Variants in ZFHX3 observed in about 807,000 individuals in gnomAD.
The protein encoded by ZFHX3 is zinc finger homeobox protein 3.
Under a neutral mutation model 279.1 loss-of-function variants are expected in ZFHX3, and 42 were observed. The observed-to-expected ratio is 0.15, with a 90% confidence interval of 0.12 to 0.19. The LOEUF is 0.19. Ranked by LOEUF, ZFHX3 falls within the 10% of genes least tolerant of loss-of-function variation. The pLI is 1.00. For missense variants in ZFHX3, 4,981 were observed against 4,754.0 expected, an observed-to-expected ratio of 1.05 and a Z score of -1.40; for synonymous variants, 2,293 against 1,957.8, an observed-to-expected ratio of 1.17 and a Z score of -4.52.
chr16:73,819,590 T>C (rs1960676554), intron 1 of ZFHX3, among the ~76,000 whole-genome samples: 1 of 152,076 alleles, frequency 6.6e-6, no homozygotes, highest in East Asian at 1.9e-4. Context: ...CCTGTTGATC[T>C]TAACCACTAT....
intron 5 of ZFHX3, among the ~76,000 whole-genome samples, chr16:73,223,512 A>C (rs1229665553): frequency 1.3e-5 from 2 of 152,184 alleles, no homozygotes; most frequent in African/African-American, 2.4e-5. Context: ...ATTACACACC[A>C]ATTAGAATGG....
intron 1 of ZFHX3, among the ~76,000 whole-genome samples, chr16:73,772,521 C>A (rs1384648678): frequency 1.3e-5 from 2 of 152,188 alleles, no homozygotes; most frequent in South Asian, 4.2e-4. Flanking sequence ...GGGGACACAG[C>A]CAAACCATAT....
intron 2 of ZFHX3, among the ~76,000 whole-genome samples, chr16:73,507,553 T>C (rs1302743844): frequency 7.1e-6 from 1 of 141,470 alleles, no homozygotes; most frequent in Non-Finnish European, 1.5e-5. Flanking sequence ...TGGAGTACAG[T>C]GGTGCAGTCA....
chr16:73,180,208 T>C (rs889726787), intron 5 of ZFHX3, among the ~76,000 whole-genome samples: 8 of 152,204 alleles, frequency 5.3e-5, no homozygotes, highest in Admixed American at 5.2e-4. Flanking sequence ...AGAGAGCAAG[T>C]TGCTCCACGA....
intron 2 of ZFHX3, among the ~76,000 whole-genome samples, chr16:73,616,661 T>C (rs1190959082): frequency 6.6e-6 from 1 of 152,038 alleles, no homozygotes; most frequent in Non-Finnish European, 1.5e-5. Context: ...AATGTAAATA[T>C]TGGTTTACTT....
At chr16:73,444,815 A>G (rs867385950) in intron 3 of ZFHX3, among the ~76,000 whole-genome samples, 2 of 150,332 alleles carry the variant, frequency 1.3e-5, no homozygotes, top group African/African-American at 2.5e-5. Context: ...ACCTGTGCTC[A>G]CCTCTTAGAA....
chr16:73,702,103 G>A (rs574718184), intron 1 of ZFHX3, among the ~76,000 whole-genome samples: 9 of 152,074 alleles, frequency 5.9e-5, no homozygotes, highest in Non-Finnish European at 1.2e-4. Context: ...GTGTTGCCGT[G>A]AGCAGCAATT....
chr16:73,669,316 A>AG (rs1235197234), intron 2 of ZFHX3, among the ~76,000 whole-genome samples: 14 of 152,178 alleles, frequency 9.2e-5, no homozygotes, highest in African/African-American at 3.4e-4. Flanking sequence ...GGCCTCCCAA[A>AG]GTGCTGGGAT....
chr16:73,683,466 T>A (rs1054964983), intron 1 of ZFHX3, among the ~76,000 whole-genome samples: 2 of 152,138 alleles, frequency 1.3e-5, no homozygotes, highest in Non-Finnish European at 2.9e-5. Flanking sequence ...CTGTCTCAAA[T>A]CCCCTGGATA....
chr16:72,788,431 G>A lies in ZFHX3; in HGVS notation c.9845C>T (p.Ala3282Val), dbSNP rs756436707. ...ISAPLPTMEYAVDPAQLQALQ... is the reference protein window; with the variant it reads ...ISAPLPTMEYVVDPAQLQALQ... ...GGCCTGCAGCTGTGCAGGGTCTACC[G>A]CATACTCCATGGTGGGCAGCGGGGC... Residue 3282 changes from alanine (A) to valine (V), a missense_variant, in exon 10 of 10, where the codon GCG becomes GTG. By Grantham distance (64) the Ala-to-Val change is moderately conservative. Coordinates refer to ENST00000268489, the MANE Select transcript of ZFHX3 (RefSeq NM_006885.4). 1.7e-5 allele frequency: 27 copies of A among 1,614,114 alleles called. No individual in the cohort carries two copies. In the South Asian group the frequency reaches 2.4e-4, roughly 14 times the overall value.
chr16:73,766,790 C>T (rs1192183110), intron 1 of ZFHX3, among the ~76,000 whole-genome samples: 1 of 152,062 alleles, frequency 6.6e-6, no homozygotes, highest in Non-Finnish European at 1.5e-5. Flanking sequence ...CCCAGGTTAG[C>T]TGGCACTAAA....
intron 4 of ZFHX3, among the ~76,000 whole-genome samples, chr16:72,852,180 C>A (rs1189517206): frequency 6.6e-6 from 1 of 152,162 alleles, no homozygotes; most frequent in African/African-American, 2.4e-5. Flanking sequence ...ATCTGTTGAT[C>A]AACTCTGTTT....
intron 2 of ZFHX3, among the ~76,000 whole-genome samples, chr16:73,590,973 T>C (rs2051988612): frequency 6.6e-6 from 1 of 152,002 alleles, no homozygotes; most frequent in African/African-American, 2.4e-5. Flanking sequence ...TTACACAAAA[T>C]ACAGGAACAA....
chr16:73,399,449 C>A (rs1216794079), intron 3 of ZFHX3, among the ~76,000 whole-genome samples: 1 of 152,146 alleles, frequency 6.6e-6, no homozygotes, highest in Non-Finnish European at 1.5e-5. Flanking sequence ...ACACGCAGCA[C>A]CCCATGATAG....
chr16:73,091,333 A>T (rs1277543913), intron 8 of ZFHX3, among the ~76,000 whole-genome samples: 3 of 151,812 alleles, frequency 2.0e-5, no homozygotes, highest in South Asian at 4.2e-4. Flanking sequence ...AGACAACCTT[A>T]TGGAGATCAA....
At chr16:73,357,429 A>C (rs2016362207) in intron 3 of ZFHX3, among the ~76,000 whole-genome samples, 1 of 150,606 alleles carries the variant, frequency 6.6e-6, no homozygotes, top group Admixed American at 6.6e-5. Flanking sequence ...AACCTAGGGC[A>C]ACTGAGATGG....
chr16:72,803,226 G>C (rs976638228), intron 7 of ZFHX3, among the ~76,000 whole-genome samples: 1 of 152,074 alleles, frequency 6.6e-6, no homozygotes, highest in African/African-American at 2.4e-5. Context: ...CAGTTACTCG[G>C]GAGGCTGAGA....
intron 1 of ZFHX3, among the ~76,000 whole-genome samples, chr16:73,774,640 C>T: frequency 6.6e-6 from 1 of 152,186 alleles, no homozygotes; most frequent in East Asian, 1.9e-4. Flanking sequence ...TGCACCATTA[C>T]CTTCTACAGC....
At chr16:72,845,332 G>A (rs1293488666) in intron 4 of ZFHX3, among the ~76,000 whole-genome samples, 1 of 152,152 alleles carries the variant, frequency 6.6e-6, no homozygotes, top group Non-Finnish European at 1.5e-5. Context: ...CCTGTGATGG[G>A]AATTTATTTC....
Sources: gnomAD v4.1 joint callset for allele counts (sites outside exome capture counted in the v4.1 genomes callset) on GRCh38, gnomAD v4.1.1 for gene constraint, MANE v1.5 for transcripts, NCBI Gene and HGNC (gene_info 2026-07-23, HGNC 2026-07-21) for gene names.